NKAIN3: variants seen among roughly 807,000 people sequenced by gnomAD.
NKAIN3 encodes sodium/potassium-transporting ATPase subunit beta-1-interacting protein 3.
Under a neutral mutation model 30.2 loss-of-function variants are expected in NKAIN3, and 25 were observed. The observed-to-expected ratio is 0.83, with a 90% CI of 0.60 to 1.16. The LOEUF (loss-of-function observed/expected upper bound fraction) is 1.16. Ranked by LOEUF, NKAIN3 falls within the 50% of genes most tolerant of loss-of-function variation. The pLI is 0.00. For missense variants in NKAIN3, 225 were observed against 254.1 expected (o/e 0.89, Z 0.78); for synonymous variants, 91 against 89.6 (o/e 1.02, Z -0.09).
intron 1 of NKAIN3, among the ~76,000 whole-genome samples, chr8:62,298,287 C>T (rs182926346): frequency 2.6e-5 from 4 of 152,068 alleles, no homozygotes; most frequent in South Asian, 2.1e-4. Flanking sequence ...CAAATCTGCA[C>T]GTTGTGCATA....
intron 4 of NKAIN3, chr8:62,854,940 T>C (rs1820015751): frequency 6.5e-6 from 1 of 153,006 alleles, no homozygotes; most frequent in Non-Finnish European, 1.5e-5. Context: ...AGCATTTGCC[T>C]GCCTAAGCAT....
intron 1 of NKAIN3, among the ~76,000 whole-genome samples, chr8:62,554,150 G>C (rs35650596): frequency 0.12 from 17,819 of 152,250 alleles, 1,255 homozygotes; most frequent in African/African-American, 0.2. Flanking sequence ...CTTGAGATTA[G>C]AAACATCTTT....
intron 1 of NKAIN3, among the ~76,000 whole-genome samples, chr8:62,428,961 A>G (rs1202006110): frequency 2.6e-5 from 4 of 151,854 alleles, no homozygotes; most frequent in African/African-American, 7.2e-5. Flanking sequence ...CATAGTTTCC[A>G]TTCTTAGATT....
At chr8:62,455,467 G>C (rs911353506) in intron 1 of NKAIN3, among the ~76,000 whole-genome samples, 1 of 152,110 alleles carries the variant, frequency 6.6e-6, no homozygotes, top group Non-Finnish European at 1.5e-5. Context: ...AGCTAAAACT[G>C]TGTACTCATG....
intron 4 of NKAIN3, among the ~76,000 whole-genome samples, chr8:62,824,471 G>A (rs1485862236): frequency 6.7e-5 from 10 of 150,016 alleles, no homozygotes; most frequent in South Asian, 4.2e-4. Flanking sequence ...CAGTCTAAGC[G>A]GAAAAAATAC....
chr8:62,377,631 G>A (rs184221866), intron 1 of NKAIN3, among the ~76,000 whole-genome samples: 194 of 152,172 alleles, frequency 1.3e-3, no homozygotes, highest in African/African-American at 4.2e-3. Flanking sequence ...AGGACCTGGT[G>A]GGAGGTAATT....
intron 1 of NKAIN3, among the ~76,000 whole-genome samples, chr8:62,409,205 A>T (rs933505687): frequency 6.6e-6 from 1 of 152,124 alleles, no homozygotes; most frequent in East Asian, 1.9e-4. Context: ...TGTTTTTGAG[A>T]TGGAGTTTCG....
intron 1 of NKAIN3, among the ~76,000 whole-genome samples, chr8:62,517,805 C>T (rs1385852914): frequency 1.3e-5 from 2 of 152,084 alleles, no homozygotes; most frequent in Non-Finnish European, 2.9e-5. Context: ...ATAATATGGT[C>T]TACAGTTTGT....
intron 1 of NKAIN3, among the ~76,000 whole-genome samples, chr8:62,534,446 TGTTA>T (rs1187949708): frequency 1.3e-5 from 2 of 152,172 alleles, no homozygotes; most frequent in African/African-American, 2.4e-5. Flanking sequence ...GCACGTCATT[TGTTA>T]GTTAGAAAGG....
intron 1 of NKAIN3, among the ~76,000 whole-genome samples, chr8:62,461,061 C>T (rs573537856): frequency 6.6e-6 from 1 of 152,306 alleles, no homozygotes; most frequent in South Asian, 2.1e-4. Context: ...CCTAAACACT[C>T]ACCTTTGGTC....
intron 3 of NKAIN3, among the ~76,000 whole-genome samples, chr8:62,743,182 T>C (rs1815962101): frequency 6.6e-6 from 1 of 152,210 alleles, no homozygotes; most frequent in African/African-American, 2.4e-5. Context: ...AACTAAAAGC[T>C]TCAACAATAA....
chr8:62,380,119 G>T (rs866555220), intron 1 of NKAIN3, among the ~76,000 whole-genome samples: 2 of 152,264 alleles, frequency 1.3e-5, no homozygotes, highest in Non-Finnish European at 1.5e-5. Flanking sequence ...TGTTAACATT[G>T]TTAACATGTA....
rs918755646 is a variant in NKAIN3 at position 62,969,908 on chromosome 8, C to T, written c.*4501C>T. On this transcript the variant is annotated 3_prime_UTR_variant, in exon 7 of 7. Coordinates refer to ENST00000623646, the MANE Select transcript of NKAIN3 (RefSeq NM_001304533.3). ...CACAGTGAACAATTTAGAAAGGGAA[C>T]AGATGACCAGACACAGTGGCTCATG... is the stretch of plus-strand genomic sequence containing the variant. Among the ~76,000 whole-genome samples, 2 of 152,062 alleles carry T rather than the reference C, an allele frequency of 1.3e-5. No homozygotes were observed. Among genetic ancestry groups the T allele is most frequent in the Admixed American group, 6.6e-5 (1 of 15,264 alleles).
chr8:62,896,365 A>G (rs1286449435), intron 4 of NKAIN3, among the ~76,000 whole-genome samples: 2 of 152,260 alleles, frequency 1.3e-5, no homozygotes, highest in East Asian at 1.9e-4. Flanking sequence ...GAGTTTGAAC[A>G]TGTACATTCT....
chr8:62,774,602 G>A (rs1817128336), intron 4 of NKAIN3, among the ~76,000 whole-genome samples: 1 of 151,880 alleles, frequency 6.6e-6, no homozygotes, highest in Non-Finnish European at 1.5e-5. Context: ...TTTTTTTAGG[G>A]TTTGTATCAC....
intron 1 of NKAIN3, among the ~76,000 whole-genome samples, chr8:62,259,958 A>G (rs2129389204): frequency 6.6e-6 from 1 of 152,308 alleles, no homozygotes; most frequent in Non-Finnish European, 1.5e-5. Context: ...TTGTTAAGGG[A>G]AGCAAGATCT....
intron 1 of NKAIN3, among the ~76,000 whole-genome samples, chr8:62,545,474 TAGG>T (rs1808974791): frequency 6.6e-6 from 1 of 152,008 alleles, no homozygotes; most frequent in Non-Finnish European, 1.5e-5. Flanking sequence ...GAGGCTGAGG[TAGG>T]AGAATTACTT....
At chr8:62,885,516 G>A (rs1046041218) in intron 4 of NKAIN3, among the ~76,000 whole-genome samples, 2 of 152,140 alleles carry the variant, frequency 1.3e-5, no homozygotes, top group Non-Finnish European at 2.9e-5. Flanking sequence ...TGGTTGTGTT[G>A]AGTTCAACTA....
intron 1 of NKAIN3, among the ~76,000 whole-genome samples, chr8:62,331,000 T>TTC (rs1400962474): frequency 6.4e-5 from 9 of 140,694 alleles, no homozygotes; most frequent in South Asian, 2.2e-4. Flanking sequence ...CTCTCTCTCT[T>TTC]TCTCTCTCTC....
Sources: gnomAD v4.1 joint callset for allele counts (sites outside exome capture counted in the v4.1 genomes callset) on GRCh38, gnomAD v4.1.1 for gene constraint, MANE v1.5 for transcripts, NCBI Gene and HGNC (gene_info 2026-07-23, HGNC 2026-07-21) for gene names.